ARHGAP31: variants seen among roughly 807,000 people sequenced by gnomAD.
ARHGAP31 encodes rho GTPase-activating protein 31.
A neutral mutation model predicts 113.9 loss-of-function variants in ARHGAP31; 34 were observed. That is an observed-to-expected ratio of 0.30 (90% confidence interval 0.23 to 0.40). The LOEUF is 0.40. Ranked by LOEUF, ARHGAP31 falls within the 10% of genes least tolerant of loss-of-function variation. ARHGAP31 has a pLI of 1.00. For missense variants in ARHGAP31, 1,548 were observed against 1,767.1 expected, an observed-to-expected ratio of 0.88 and a Z score of 2.22; for synonymous variants, 650 against 684.8, an observed-to-expected ratio of 0.95 and a Z score of 0.79.
intron 4 of ARHGAP31, 38 bp downstream of exon 4, chr3:119,381,024 A>G (rs943953162): frequency 1.5e-5 from 23 of 1,545,608 alleles, no homozygotes; most frequent in African/African-American, 5.4e-5. Context: ...TGGCCTCTCA[A>G]TGCAGTGTAA....
In ARHGAP31 at chr3:119,317,060, A is replaced by T. The variant is rs185997395; in HGVS notation, c.100+22056A>T. On this transcript the variant is annotated intron_variant, in intron 1 of 11. Coordinates refer to ENST00000264245, the MANE Select transcript of ARHGAP31 (RefSeq NM_020754.4). ...TTGTTTTGCGTAAGACATTTTGTAA[A>T]TAGCCTGCAGAACACATACGCAAAG... Among the ~76,000 whole-genome samples, 20 of 152,360 alleles carry T rather than the reference A, an allele frequency of 1.3e-4. No homozygotes were observed. The East Asian group carries it at 3.9e-3, about 29-fold the overall frequency.
rs1463434200 is a variant in ARHGAP31, at chr3:119,399,240, C to T, written c.1048C>T (p.Leu350=). 1 of 1,613,682 alleles carries T rather than the reference C, an allele frequency of 6.2e-7. No individual in the cohort carries two copies. ...TIRPAKSMDS[L]CSVPVEGKET... ...CCGACCAGCTAAAAGCATGGACTCA[C>T]TATGTTCAGTGCCTGTGGAAGGTAA... The change falls in exon 9 of 12, where the codon CTA becomes TTA. Residue 350 remains leucine (L), a synonymous_variant. Transcript: ENST00000264245.
rs1359491112 is a variant in ARHGAP31, at chr3:119,325,024, A to C, written c.100+30020A>C. On this transcript the variant is annotated intron_variant, in intron 1 of 11. Coordinates refer to ENST00000264245, the MANE Select transcript of ARHGAP31 (RefSeq NM_020754.4). ...GTGTGGACTTATATGATGCCGTCTT[A>C]AATTAGGCCTCATTGGTTAATGTTT... 9 of 454,466 alleles carry C rather than the reference A, an allele frequency of 2.0e-5. No homozygotes were observed. In the East Asian group the frequency reaches 6.3e-4, roughly 32 times the overall value. The allele number at this position is 454,466 out of a possible 1,614,324, so 28.2% of individuals were successfully genotyped here. A position where few individuals can be genotyped will look rare whatever the true frequency, so the allele number is the denominator to read the frequency against.
intron 1 of ARHGAP31, among the ~76,000 whole-genome samples, chr3:119,333,526 G>T (rs1039499431): frequency 1.3e-5 from 2 of 152,158 alleles, no homozygotes; most frequent in South Asian, 2.1e-4. Flanking sequence ...TGTGATAAAT[G>T]TTTATTTTAG....
At chr3:119,392,207 G>A (rs1380984539) in intron 7 of ARHGAP31, among the ~76,000 whole-genome samples, 1 of 152,136 alleles carries the variant, frequency 6.6e-6, no homozygotes. Flanking sequence ...CAGCACTTTG[G>A]GAGGCTAAGG....
In ARHGAP31 at chr3:119,416,132, A is replaced by T; in HGVS notation, c.4203A>T (p.Glu1401Asp). ...ELAENTWVTP[E>D]GVTLRNKMTI... The stretch of plus-strand genomic sequence containing the variant: ...CAGAAAACACATGGGTCACACCAGA[A>T]GGGGTTACACTTAGGAATAAAATGA... Residue 1401 changes from glutamate (E) to aspartate (D), a missense_variant, in exon 12 of 12, where the codon GAA (glutamate) becomes GAT (aspartate). Transcript: ENST00000264245. 1 of 1,614,208 alleles carries T rather than the reference A, an allele frequency of 6.2e-7. No individual in the cohort carries two copies. Among genetic ancestry groups the T allele is most frequent in the Non-Finnish European group, 8.5e-7 (1 of 1,180,030 alleles).
Position 119,420,098 on chromosome 3 carries a change from T to C in ARHGAP31, c.*3834T>C, listed in dbSNP as rs888563926. 6 of 152,140 alleles carry C rather than the reference T, an allele frequency of 3.9e-5. No individual in the cohort carries two copies. Among genetic ancestry groups the C allele is most frequent in the Non-Finnish European group, 7.4e-5 (5 of 68,024 alleles). 9.4% of individuals were successfully genotyped at this position (152,140 alleles called of 1,614,324 possible). A position where few individuals can be genotyped will look rare whatever the true frequency, so the allele number is the denominator to read the frequency against. ...TGGCTAAAATTGGATGGGACAGTCA[T>C]TTGTCTACACAGGCCTTCCATTCCT... is the stretch of plus-strand genomic sequence containing the variant. On this transcript the variant is annotated 3_prime_UTR_variant, in exon 12 of 12. Coordinates refer to ENST00000264245, the MANE Select transcript of ARHGAP31 (RefSeq NM_020754.4).
intron 1 of ARHGAP31, among the ~76,000 whole-genome samples, chr3:119,334,262 C>T (rs1003716782): frequency 5.3e-5 from 8 of 152,202 alleles, no homozygotes; most frequent in African/African-American, 1.9e-4. Flanking sequence ...CCCACCCTGT[C>T]CTTTTGGCCT....
chr3:119,380,505 C>T (rs900008425), intron 3 of ARHGAP31, among the ~76,000 whole-genome samples: 6 of 152,184 alleles, frequency 3.9e-5, no homozygotes, highest in African/African-American at 1.4e-4. Context: ...CCCACCTCAG[C>T]CTCCTGAGTA....
intron 10 of ARHGAP31, among the ~76,000 whole-genome samples, chr3:119,403,226 T>C (rs557993674): frequency 6.6e-6 from 1 of 152,352 alleles, no homozygotes; most frequent in African/African-American, 2.4e-5. Context: ...TATTAGGTTG[T>C]CAGGCACTCT....
chr3:119,360,777 A>G (rs540672521), intron 1 of ARHGAP31, among the ~76,000 whole-genome samples: 10 of 152,354 alleles, frequency 6.6e-5, no homozygotes, highest in Non-Finnish European at 1.5e-4. Context: ...AAAATTTAAC[A>G]TTTAAGATAA....
At chr3:119,410,026 C>T (rs1418049017) in intron 11 of ARHGAP31, among the ~76,000 whole-genome samples, 2 of 152,140 alleles carry the variant, frequency 1.3e-5, no homozygotes, top group African/African-American at 4.8e-5. Context: ...CTAAATATTC[C>T]TGACCTGAGG....
At chr3:119,311,096 T>C (rs550358598) in intron 1 of ARHGAP31, among the ~76,000 whole-genome samples, 2 of 152,300 alleles carry the variant, frequency 1.3e-5, no homozygotes, top group East Asian at 3.9e-4. Flanking sequence ...TTAATGCCAG[T>C]AGATTCCCCA....
chr3:119,415,755 G>T lies in ARHGAP31; in HGVS notation c.3826G>T (p.Asp1276Tyr). 6.2e-7 allele frequency: 1 copy of T among 1,614,204 alleles called. No homozygotes were observed. Among genetic ancestry groups the T allele is most frequent in the Non-Finnish European group, 8.5e-7 (1 of 1,180,044 alleles). ...DPGAIKSSPV[D>Y]ATAPCMCEGP... is the part of the protein sequence containing the mutation. Reference sequence around the variant, plus strand: ...CGGAGCCATTAAGTCCTCACCAGTGGATGCCACTGCACCCTGCATGTGCGA... The same window carrying T: ...CGGAGCCATTAAGTCCTCACCAGTGTATGCCACTGCACCCTGCATGTGCGA... The change falls in exon 12 of 12, where the codon GAT (aspartate) becomes TAT (tyrosine). Residue 1276 changes from aspartate to tyrosine, a missense_variant. By Grantham distance (160) the Asp-to-Tyr change is radical. Coordinates refer to ENST00000264245, the MANE Select transcript of ARHGAP31 (RefSeq NM_020754.4).
chr3:119,383,698 G>A (rs2080423452), intron 6 of ARHGAP31, among the ~76,000 whole-genome samples: 1 of 152,170 alleles, frequency 6.6e-6, no homozygotes. Context: ...CATATATTCA[G>A]AATGCATTCT....
intron 7 of ARHGAP31, among the ~76,000 whole-genome samples, chr3:119,392,602 G>A (rs528597254): frequency 6.7e-4 from 102 of 152,326 alleles, no homozygotes; most frequent in African/African-American, 2.4e-3. Context: ...CCACAGCAGG[G>A]CAAGGCCTCC....
rs144661179 is a variant in ARHGAP31 at position 119,300,792 on chromosome 3, A to T, written c.100+5788A>T. ...CAGTGAGCTGAGATCATACCACTGCACTCCAGCCTGGGCGACAGAGCCAGA... is the reference window on the plus strand; with the variant it reads ...CAGTGAGCTGAGATCATACCACTGCTCTCCAGCCTGGGCGACAGAGCCAGA... On this transcript the variant is annotated intron_variant, in intron 1 of 11. Coordinates refer to ENST00000264245, the MANE Select transcript of ARHGAP31 (RefSeq NM_020754.4). Among the ~76,000 whole-genome samples the T allele has an allele frequency of 6.3e-4, 94 of 149,572 alleles. 1 individual carries two copies. The East Asian group carries it at 0.016, about 25-fold the overall frequency.
At chr3:119,372,546 G>A (rs2080307335) in intron 3 of ARHGAP31, among the ~76,000 whole-genome samples, 1 of 152,110 alleles carries the variant, frequency 6.6e-6, no homozygotes, top group Non-Finnish European at 1.5e-5. Context: ...GCCTCCCAAA[G>A]TGCTGGGATT....
intron 3 of ARHGAP31, among the ~76,000 whole-genome samples, chr3:119,371,157 A>C (rs962689157): frequency 1.3e-5 from 2 of 152,250 alleles, no homozygotes; most frequent in African/African-American, 4.8e-5. Context: ...ATGTTAATGA[A>C]CTGAATCAGT....
Sources: gnomAD v4.1 joint callset for allele counts (sites outside exome capture counted in the v4.1 genomes callset) on GRCh38, gnomAD v4.1.1 for gene constraint, MANE v1.5 for transcripts, NCBI Gene and HGNC (gene_info 2026-07-23, HGNC 2026-07-21) for gene names.